Variants in ETV3 observed in about 807,000 individuals in gnomAD.
The protein encoded by ETV3 is ETS variant transcription factor 3, also known as ETS translocation variant 3.
In ETV3, 8 loss-of-function variants were observed where a neutral mutation model predicts 33.0. The ratio of observed to expected loss-of-function variants is 0.24; its 90% CI spans 0.14 to 0.44. The LOEUF is 0.44. Among genes scored for constraint, ETV3 ranks in the 20% least tolerant of loss-of-function variants. The pLI, the probability that ETV3 is intolerant of heterozygous loss-of-function variation, is 1.00. For synonymous variants in ETV3, 222 were observed against 238.9 expected (o/e 0.93, Z 0.65); for missense variants, 473 against 652.3 (o/e 0.73, Z 2.99).
At position 157,122,341 on chromosome 1, in the gene ETV3, C is replaced by T. The variant is rs981389949; in HGVS notation, c.*2500G>A. Reference sequence around the variant, plus strand: ...AGGTTCGGCTCTGTATAAGGACCCTCCCCTCCCAACCCCAACCCCAGAGTG... The same window carrying T: ...AGGTTCGGCTCTGTATAAGGACCCTTCCCTCCCAACCCCAACCCCAGAGTG... On this transcript the variant is annotated 3_prime_UTR_variant, in exon 5 of 5. Transcript: ENST00000368192. 6.6e-5 allele frequency: 10 copies of T among 151,942 alleles called. No homozygotes were observed. Among genetic ancestry groups the T allele is most frequent in the Admixed American group, 3.3e-4 (5 of 15,262 alleles). The allele number at this position is 151,942 out of a possible 1,614,324, so 9.4% of individuals were successfully genotyped here.
chr1:157,121,749 G>T lies in ETV3; in HGVS notation c.*3092C>A, dbSNP rs1395537191. 6.6e-6 allele frequency: 1 copy of T among 152,190 alleles called. No homozygotes were observed. The highest frequency in any genetic ancestry group is 2.4e-5 in the African/African-American group (1 of 41,444). The allele number at this position is 152,190 out of a possible 1,614,324, so 9.4% of individuals were successfully genotyped here. A position where few individuals can be genotyped will look rare whatever the true frequency, so the allele number is the denominator to read the frequency against. ...ACAGCCAACTGACTCTACCCACTTG[G>T]TGAGAAGTGATATACTTCAACTATT... On this transcript the variant is annotated 3_prime_UTR_variant, in exon 5 of 5. Transcript: ENST00000368192.
rs1467712554 is a variant in ETV3 at position 157,121,598 on chromosome 1, T to C, written c.*3243A>G. The C allele has an allele frequency of 6.6e-6, 1 of 152,194 alleles. No homozygotes were observed. Among genetic ancestry groups the C allele is most frequent in the Non-Finnish European group, 1.5e-5 (1 of 68,024 alleles). 9.4% of individuals were successfully genotyped at this position (152,194 alleles called of 1,614,324 possible). On this transcript the variant is annotated 3_prime_UTR_variant, in exon 5 of 5. Coordinates refer to ENST00000368192, the MANE Select transcript of ETV3 (RefSeq NM_001145312.3). ...TATCCCCCTAAGAAGAAACCAAGAA[T>C]GGAACAGTTCTTGAAAGATTGAATC...
rs1300225768 is a variant in ETV3 at position 157,122,465 on chromosome 1, G to A, written c.*2376C>T. ...AAAGCCAAAAAATATTTTTCATGGA[G>A]TTGAACATTTTTCGAGTGTGTTTTT... On this transcript the variant is annotated 3_prime_UTR_variant, in exon 5 of 5. Transcript: ENST00000368192. The A allele has an allele frequency of 6.6e-6, 1 of 152,068 alleles. No individual in the cohort carries two copies. Among genetic ancestry groups the A allele is most frequent in the Non-Finnish European group, 1.5e-5 (1 of 68,014 alleles). The allele number at this position is 152,068 out of a possible 1,614,324, so 9.4% of individuals were successfully genotyped here.
intron 4 of ETV3, chr1:157,133,506 G>C (rs1675022049): frequency 1.0e-6 from 1 of 985,784 alleles, no homozygotes; most frequent in Admixed American, 6.1e-5. Flanking sequence ...AGCTGTGATG[G>C]AAAGCTATAA....
chr1:157,129,952 T>C (rs942179295), intron 4 of ETV3, among the ~76,000 whole-genome samples: 1 of 152,068 alleles, frequency 6.6e-6, no homozygotes, highest in Admixed American at 6.6e-5. Flanking sequence ...CAAGCAATTC[T>C]TCTGCCTCAG....
chr1:157,136,906 G>C (rs1380407268), intron 1 of ETV3, among the ~76,000 whole-genome samples: 1 of 152,104 alleles, frequency 6.6e-6, no homozygotes, highest in Non-Finnish European at 1.5e-5. Context: ...ATTCTTCCCA[G>C]CCACAAACTG....
rs1571694367 is a variant in ETV3 at position 157,124,036 on chromosome 1, A to G, written c.*805T>C. On this transcript the variant is annotated 3_prime_UTR_variant, in exon 5 of 5. Coordinates refer to ENST00000368192, the MANE Select transcript of ETV3 (RefSeq NM_001145312.3). ...TTTCTTCCCTGAACAAGAGTTTACA[A>G]CTCCTCATGGCTTCTTAATAGGTGA... is the stretch of plus-strand genomic sequence containing the variant. The G allele has an allele frequency of 6.6e-6, 1 of 151,868 alleles. No individual in the cohort carries two copies. Among genetic ancestry groups the G allele is most frequent in the African/African-American group, 2.4e-5 (1 of 41,328 alleles). 9.4% of individuals were successfully genotyped at this position (151,868 alleles called of 1,614,324 possible). A position where few individuals can be genotyped will look rare whatever the true frequency, so the allele number is the denominator to read the frequency against.
In ETV3 at chr1:157,122,117, T is replaced by G. The variant is rs1674720948; in HGVS notation, c.*2724A>C. The G allele has an allele frequency of 6.6e-6, 1 of 152,184 alleles. No individual in the cohort carries two copies. Among genetic ancestry groups the G allele is most frequent in the Non-Finnish European group, 1.5e-5 (1 of 68,038 alleles). 9.4% of individuals were successfully genotyped at this position (152,184 alleles called of 1,614,324 possible). On this transcript the variant is annotated 3_prime_UTR_variant, in exon 5 of 5. Coordinates refer to ENST00000368192, the MANE Select transcript of ETV3 (RefSeq NM_001145312.3). The stretch of plus-strand genomic sequence containing the variant: ...GAAAAAATGGGGGAGAAAAAATAGG[T>G]CTGGTTGTTGTCCCCCTTTTTCCAC...
At chr1:157,127,761 G>C (rs1674875259) in intron 4 of ETV3, among the ~76,000 whole-genome samples, 1 of 152,066 alleles carries the variant, frequency 6.6e-6, no homozygotes, top group South Asian at 2.1e-4. Context: ...TGGCCAGGCT[G>C]ATCTCGAACT....
At chr1:157,135,960 A>G (rs1012135485) in intron 2 of ETV3, among the ~76,000 whole-genome samples, 2 of 152,222 alleles carry the variant, frequency 1.3e-5, no homozygotes, top group African/African-American at 4.8e-5. Flanking sequence ...CTTTTCATAC[A>G]TTACTAAATA....
At chr1:157,135,817 T>A in intron 2 of ETV3, 109 bp from the exon 3 acceptor site, 1 of 1,111,730 alleles carries the variant, frequency 9.0e-7, no homozygotes, top group Non-Finnish European at 1.3e-6. Flanking sequence ...TTTGCAAACA[T>A]GCTGTAAGTA....
intron 2 of ETV3, among the ~76,000 whole-genome samples, chr1:157,135,996 A>G (rs1675100245): frequency 6.6e-6 from 1 of 152,232 alleles, no homozygotes; most frequent in Admixed American, 6.5e-5. Context: ...AGGACATAAA[A>G]GTGCTAAAGG....
At chr1:157,136,797 G>A (rs1457578847) in intron 1 of ETV3, among the ~76,000 whole-genome samples, 2 of 152,148 alleles carry the variant, frequency 1.3e-5, no homozygotes, top group Non-Finnish European at 2.9e-5. Flanking sequence ...AGATGTACCA[G>A]TTTAAAGGAT....
At chr1:157,130,494 G>C (rs1674945575) in intron 4 of ETV3, among the ~76,000 whole-genome samples, 1 of 152,202 alleles carries the variant, frequency 6.6e-6, no homozygotes, top group Non-Finnish European at 1.5e-5. Flanking sequence ...TGAAAAAACT[G>C]GGTCTGAATC....
chr1:157,136,334 TGCTACAGCC>T lies in ETV3; in HGVS notation c.10_18del (p.Gly4_Ser6del). 1 of 1,611,222 alleles carries T rather than the reference TGCTACAGCC, an allele frequency of 6.2e-7. No individual in the cohort carries two copies. Among genetic ancestry groups the T allele is most frequent in the African/African-American group, 1.3e-5 (1 of 74,886 alleles). On this transcript the variant is annotated inframe_deletion, in exon 2 of 5. Transcript: ENST00000368192. The stretch of plus-strand genomic sequence containing the variant: ...CCACCTCCTTCTGGCTTTTCCACGA[TGCTACAGCC>T]GGCTTTCATTTTCACCCGCCTGCTG...
chr1:157,133,849 CG>C, intron 4 of ETV3: 2 of 1,257,904 alleles, frequency 1.6e-6, no homozygotes, highest in Non-Finnish European at 2.0e-6. Flanking sequence ...AACAAGATAG[CG>C]TAATAGTATC....
At position 157,122,111 on chromosome 1, in the gene ETV3, A is replaced by G. The variant is rs74116986; in HGVS notation, c.*2730T>C. On this transcript the variant is annotated 3_prime_UTR_variant, in exon 5 of 5. Transcript: ENST00000368192. ...AATTTGGAAAAAATGGGGGAGAAAA[A>G]ATAGGTCTGGTTGTTGTCCCCCTTT... is the stretch of plus-strand genomic sequence containing the variant. The G allele has an allele frequency of 3.8e-3, 576 of 152,310 alleles. 7 individuals are homozygous for G. The highest frequency in any genetic ancestry group is 0.013 in the African/African-American group (547 of 41,560). The allele number at this position is 152,310 out of a possible 1,614,324, so 9.4% of individuals were successfully genotyped here.
chr1:157,129,377 G>A (rs1674919265), intron 4 of ETV3, among the ~76,000 whole-genome samples: 1 of 152,058 alleles, frequency 6.6e-6, no homozygotes, highest in African/African-American at 2.4e-5. Context: ...TTATAATTTG[G>A]GATTGCCTCT....
intron 4 of ETV3, chr1:157,128,424 G>T: frequency 3.1e-6 from 1 of 325,728 alleles, no homozygotes; most frequent in Non-Finnish European, 6.2e-6. Flanking sequence ...GCCACACTGT[G>T]GAAAAGGGAG....
Sources: allele counts gnomAD v4.1 joint callset (sites outside exome capture counted in the v4.1 genomes callset), GRCh38; gene constraint gnomAD v4.1.1; transcripts MANE v1.5; gene names NCBI Gene and HGNC (gene_info 2026-07-23, HGNC 2026-07-21).